TLE4: variants seen among roughly 807,000 people sequenced by gnomAD.
The protein encoded by TLE4 is transducin-like enhancer protein 4.
Under a neutral mutation model 92.8 loss-of-function variants are expected in TLE4, and 8 were observed. The observed-to-expected ratio is 0.09, with a 90% CI of 0.05 to 0.16. TLE4 has a LOEUF of 0.16. Ranked by LOEUF, TLE4 falls within the 10% of genes least tolerant of loss-of-function variation. TLE4 has a pLI of 1.00. For missense variants in TLE4, 675 were observed against 997.6 expected (o/e 0.68, Z 4.36); for synonymous variants, 371 against 374.1 (o/e 0.99, Z 0.10).
rs912115940 is a variant in TLE4, at chr9:79,720,397, T to G, written c.1838+104T>G. 9.1e-5 allele frequency: 108 copies of G among 1,189,534 alleles called. 1 individual carries two copies. In the African/African-American group the frequency reaches 1.1e-3, roughly 12 times the overall value. The allele number at this position is 1,189,534 out of a possible 1,614,324, so 73.7% of individuals were successfully genotyped here. A position where few individuals can be genotyped will look rare whatever the true frequency, so the allele number is the denominator to read the frequency against. Reference sequence around the variant, plus strand: ...GTATGGGTGTGTGTGTGTGTGTGTGTGTGTGTGTGTGTGTGTGTGTGTGTG... The same window carrying G: ...GTATGGGTGTGTGTGTGTGTGTGTGGGTGTGTGTGTGTGTGTGTGTGTGTG... On this transcript the variant is annotated intron_variant, in intron 16 of 19. Transcript: ENST00000376552.
At chr9:79,695,421 A>C (rs2068020697) in intron 8 of TLE4, among the ~76,000 whole-genome samples, 1 of 152,186 alleles carries the variant, frequency 6.6e-6, no homozygotes, top group African/African-American at 2.4e-5. Context: ...CTGAGGATGC[A>C]AAGAAATAAG....
intron 8 of TLE4, among the ~76,000 whole-genome samples, chr9:79,699,509 C>T (rs1588401546): frequency 6.6e-6 from 1 of 152,100 alleles, no homozygotes; most frequent in African/African-American, 2.4e-5. Context: ...TTGCAATTAC[C>T]CTTGACATAT....
chr9:79,653,730 C>G (rs1217850594), intron 7 of TLE4, among the ~76,000 whole-genome samples: 1 of 152,140 alleles, frequency 6.6e-6, no homozygotes, highest in Admixed American at 6.6e-5. Context: ...ATTAAAAACA[C>G]TGTAATTTGT....
chr9:79,627,227 C>A, intron 5 of TLE4, 147 bp from the exon 6 acceptor site: 1 of 744,856 alleles, frequency 1.3e-6, no homozygotes, highest in South Asian at 1.6e-5. Context: ...ATCTAGTCAT[C>A]CATCACCTCA....
chr9:79,667,276 C>A (rs1294279276), intron 8 of TLE4, among the ~76,000 whole-genome samples: 1 of 152,172 alleles, frequency 6.6e-6, no homozygotes, highest in Non-Finnish European at 1.5e-5. Flanking sequence ...GGGCATGCCC[C>A]CTTGGTCTTA....
chr9:79,591,532 A>G (rs2042525223), intron 4 of TLE4, among the ~76,000 whole-genome samples: 1 of 152,184 alleles, frequency 6.6e-6, no homozygotes, highest in Non-Finnish European at 1.5e-5. Flanking sequence ...AAGGGACCAT[A>G]TCTGTTTTGC....
At chr9:79,640,264 C>A (rs994657058) in intron 6 of TLE4, among the ~76,000 whole-genome samples, 11 of 151,998 alleles carry the variant, frequency 7.2e-5, no homozygotes, top group Admixed American at 7.2e-4. Context: ...GAAAAATGTT[C>A]TTAATACATG....
At chr9:79,671,583 A>G (rs2134877676) in intron 8 of TLE4, 1 of 245,800 alleles carries the variant, frequency 4.1e-6, no homozygotes, top group Non-Finnish European at 8.6e-6. Context: ...TCATTATTTT[A>G]CTACTCATAC....
intron 8 of TLE4, among the ~76,000 whole-genome samples, chr9:79,704,198 C>G (rs1410740594): frequency 6.6e-6 from 1 of 152,132 alleles, no homozygotes; most frequent in Non-Finnish European, 1.5e-5. Flanking sequence ...ACTGCAGCAT[C>G]TGCCTCCCGG....
At chr9:79,597,169 C>G (rs1458192631) in intron 4 of TLE4, among the ~76,000 whole-genome samples, 1 of 152,174 alleles carries the variant, frequency 6.6e-6, no homozygotes, top group East Asian at 1.9e-4. Flanking sequence ...AGCCTGCCTC[C>G]TTTCCTTGCT....
intron 5 of TLE4, among the ~76,000 whole-genome samples, chr9:79,613,654 C>A (rs2048861136): frequency 1.3e-5 from 2 of 152,158 alleles, no homozygotes; most frequent in Non-Finnish European, 2.9e-5. Context: ...TCTTCCTACC[C>A]TTTCAGTTGT....
At chr9:79,623,687 C>CACA (rs1385043445) in intron 5 of TLE4, among the ~76,000 whole-genome samples, 1 of 146,840 alleles carries the variant, frequency 6.8e-6, no homozygotes, top group Non-Finnish European at 1.5e-5. Flanking sequence ...TAACCATCAC[C>CACA]ACAATCTAAG....
rs114991374 is a variant in TLE4 at position 79,600,799 on chromosome 9, G to A, written c.253-11857G>A. On this transcript the variant is annotated intron_variant, in intron 4 of 19. Transcript: ENST00000376552. Reference sequence around the variant, plus strand: ...GAGCAGGGTTAATAAGCACGAACTCGTCTACACATTGTAGTGTGTATAATT... The same window carrying A: ...GAGCAGGGTTAATAAGCACGAACTCATCTACACATTGTAGTGTGTATAATT... Among the ~76,000 whole-genome samples the A allele has an allele frequency of 6.7e-3, 1,008 of 151,450 alleles. 12 individuals are homozygous for A. Among genetic ancestry groups the A allele is most frequent in the African/African-American group, 0.022 (918 of 41,180 alleles).
At chr9:79,710,911 C>T (rs905138544) in intron 14 of TLE4, among the ~76,000 whole-genome samples, 1 of 152,136 alleles carries the variant, frequency 6.6e-6, no homozygotes, top group Non-Finnish European at 1.5e-5. Flanking sequence ...GTGGTGCTCA[C>T]GGTATGGATT....
At chr9:79,603,441 T>C (rs1186855729) in intron 4 of TLE4, among the ~76,000 whole-genome samples, 1 of 152,188 alleles carries the variant, frequency 6.6e-6, no homozygotes, top group Non-Finnish European at 1.5e-5. Context: ...AAAAAGATCA[T>C]GGCTCACTGA....
intron 1 of TLE4, 124 bp downstream of exon 1, chr9:79,572,959 G>T: frequency 9.4e-7 from 1 of 1,058,650 alleles, no homozygotes; most frequent in Non-Finnish European, 1.3e-6. Flanking sequence ...TCGGCGCCCC[G>T]CGCCGGGAGC....
Position 79,658,047 on chromosome 9 carries a change from A to G in TLE4, c.609+3972A>G, listed in dbSNP as rs544886060. Among the ~76,000 whole-genome samples, 3 of 152,220 alleles carry G rather than the reference A, an allele frequency of 2.0e-5. No individual in the cohort carries two copies. The South Asian group carries it at 6.2e-4, about 32-fold the overall frequency. On this transcript the variant is annotated intron_variant, in intron 8 of 19. Transcript: ENST00000376552. ...CTGTGCCTATGCTTACCCAGTACAA[A>G]CATTTTTTCCATCTGAGTGGTGGTG... is the stretch of plus-strand genomic sequence containing the variant.
chr9:79,643,489 G>A (rs902140579), intron 6 of TLE4, among the ~76,000 whole-genome samples: 2 of 152,092 alleles, frequency 1.3e-5, no homozygotes, highest in Admixed American at 6.5e-5. Context: ...AATTGTCTTT[G>A]CTGTCATGTC....
intron 8 of TLE4, among the ~76,000 whole-genome samples, chr9:79,701,704 T>A (rs2069939786): frequency 6.6e-6 from 1 of 152,198 alleles, no homozygotes; most frequent in East Asian, 1.9e-4. Context: ...GTGAATGGTC[T>A]CCCATGGAAT....
Sources: gnomAD v4.1 joint callset for allele counts (sites outside exome capture counted in the v4.1 genomes callset) on GRCh38, gnomAD v4.1.1 for gene constraint, MANE v1.5 for transcripts, NCBI Gene and HGNC (gene_info 2026-07-23, HGNC 2026-07-21) for gene names.